The following NDUFA9 variants were observed in gnomAD, a reference collection of about 807,000 sequenced individuals.
The protein encoded by NDUFA9 is NADH dehydrogenase [ubiquinone] 1 alpha subcomplex subunit 9, mitochondrial.
In NDUFA9, 23 loss-of-function variants were observed where a neutral mutation model predicts 45.9. The observed-to-expected ratio is 0.50, with a 90% CI of 0.36 to 0.71. NDUFA9 has a LOEUF of 0.71. NDUFA9 is among the 30% of genes least tolerant of loss of function. The pLI is 0.00. For synonymous variants in NDUFA9, 176 were observed against 170.5 expected (o/e 1.03, Z -0.25); for missense variants, 466 against 488.2 (o/e 0.95, Z 0.43).
At position 4,652,103 on chromosome 12, in the gene NDUFA9, C is replaced by T. The variant is rs138358280; in HGVS notation, c.50-2189C>T. The stretch of plus-strand genomic sequence containing the variant: ...GGAATCAGATGAGAACAGTCATTTT[C>T]CCACCATAAACTCTAATAGTTGATA... On this transcript the variant is annotated intron_variant, in intron 1 of 10. Transcript: ENST00000266544. 8.3e-4 allele frequency among the ~76,000 whole-genome samples: 126 copies of T among 152,288 alleles called. 1 individual carries two copies. Among genetic ancestry groups the T allele is most frequent in the African/African-American group, 3.0e-3 (125 of 41,552 alleles).
At chr12:4,670,246 AGATT>A (rs747290361) in intron 8 of NDUFA9, among the ~76,000 whole-genome samples, 1 of 152,198 alleles carries the variant, frequency 6.6e-6, no homozygotes, top group Non-Finnish European at 1.5e-5. Context: ...GTGCTGTGCG[AGATT>A]GATTATTTCT....
intron 8 of NDUFA9, among the ~76,000 whole-genome samples, chr12:4,677,516 T>C (rs1945927226): frequency 6.6e-6 from 1 of 152,220 alleles, no homozygotes; most frequent in Non-Finnish European, 1.5e-5. Flanking sequence ...AAAGAAGACA[T>C]TTATGCAGCT....
At chr12:4,654,727 C>T (rs1945779460) in intron 2 of NDUFA9, 98 bp from the exon 3 acceptor site, 3 of 1,054,166 alleles carry the variant, frequency 2.8e-6, no homozygotes, top group Non-Finnish European at 2.7e-6. Flanking sequence ...TATCAATTCA[C>T]ATACCATACT....
intron 8 of NDUFA9, 57 bp downstream of exon 8, chr12:4,669,874 C>A: frequency 8.3e-7 from 1 of 1,200,462 alleles, no homozygotes; most frequent in Non-Finnish European, 1.2e-6. Context: ...GAATCAATAT[C>A]TAAATTAGTT....
chr12:4,686,501 G>A (rs968120799), intron 10 of NDUFA9, among the ~76,000 whole-genome samples: 5 of 151,020 alleles, frequency 3.3e-5, no homozygotes, highest in African/African-American at 9.7e-5. Context: ...GAGTCAGAAC[G>A]CCCGTGCTCA....
intron 8 of NDUFA9, among the ~76,000 whole-genome samples, chr12:4,681,162 A>G (rs1591550147): frequency 6.6e-6 from 1 of 152,162 alleles, no homozygotes; most frequent in Non-Finnish European, 1.5e-5. Context: ...TCTTTTTTAT[A>G]AGGTTTAGAC....
chr12:4,685,675 C>T (rs922682584), intron 10 of NDUFA9, among the ~76,000 whole-genome samples: 34 of 97,852 alleles, frequency 3.5e-4, no homozygotes, highest in Middle Eastern at 5.9e-3. Context: ...TTCCTCCTAA[C>T]GTCCTGAAGA....
rs969844276 is a variant in NDUFA9, at chr12:4,649,248, C to T, written c.49+73C>T. The T allele has an allele frequency of 5.9e-6, 9 of 1,515,146 alleles. No individual in the cohort carries two copies. In the African/African-American group the frequency reaches 9.7e-5, roughly 16 times the overall value. The allele number at this position is 1,515,146 out of a possible 1,614,324, so 93.9% of individuals were successfully genotyped here. A position where few individuals can be genotyped will look rare whatever the true frequency, so the allele number is the denominator to read the frequency against. ...GGATTTAAGGTTTTGGAAGTGGCAC[C>T]GTGCTGCAGCGGTCACGCCAACTTC... On this transcript the variant is annotated intron_variant, in intron 1 of 10. Transcript: ENST00000266544.
chr12:4,664,542 C>T (rs1326548782), intron 6 of NDUFA9, among the ~76,000 whole-genome samples: 1 of 152,212 alleles, frequency 6.6e-6, no homozygotes. Context: ...CACCACATGG[C>T]CTTTGTCAGA....
In NDUFA9 at chr12:4,685,316, A is replaced by G. The variant is rs1372159557; in HGVS notation, c.954A>G (p.Lys318=). Residue 318 remains lysine (K), a synonymous_variant, in exon 10 of 11, where the codon AAA becomes AAG. Transcript: ENST00000266544. ...SPFEPWITRD[K]VERMHITDMK... is the part of the protein sequence containing the mutation. ...TTGAGCCCTGGATAACAAGGGATAA[A>G]GTGGAGCGGGTGAGTACATGTGTGG... 1 of 1,613,770 alleles carries G rather than the reference A, an allele frequency of 6.2e-7. No individual in the cohort carries two copies. Among genetic ancestry groups the G allele is most frequent in the Middle Eastern group, 1.6e-4 (1 of 6,082 alleles).
At chr12:4,681,136 T>C (rs1945949849) in intron 8 of NDUFA9, among the ~76,000 whole-genome samples, 1 of 152,092 alleles carries the variant, frequency 6.6e-6, no homozygotes, top group Non-Finnish European at 1.5e-5. Context: ...GAAGGAACTT[T>C]ATAGTAAAAA....
At chr12:4,674,234 T>C (rs1191009736) in intron 8 of NDUFA9, among the ~76,000 whole-genome samples, 1 of 152,182 alleles carries the variant, frequency 6.6e-6, no homozygotes, top group African/African-American at 2.4e-5. Context: ...CTTAAGACCA[T>C]TGACGCTATG....
chr12:4,665,146 G>A (rs1397073038), intron 6 of NDUFA9, among the ~76,000 whole-genome samples: 12 of 152,156 alleles, frequency 7.9e-5, no homozygotes, highest in Admixed American at 1.3e-4. Flanking sequence ...TAAGAGTACA[G>A]TTCAGTAGTA....
intron 5 of NDUFA9, among the ~76,000 whole-genome samples, chr12:4,661,508 G>A (rs775540648): frequency 4.6e-5 from 7 of 151,956 alleles, no homozygotes; most frequent in Non-Finnish European, 7.4e-5. Flanking sequence ...CAGTGGGAGT[G>A]CATGGCCCAA....
intron 5 of NDUFA9, 71 bp downstream of exon 5, chr12:4,659,248 C>T (rs762175194): frequency 6.6e-6 from 9 of 1,365,604 alleles, no homozygotes; most frequent in Non-Finnish European, 9.2e-6. Flanking sequence ...AACATGATTT[C>T]AGTGAGAAGG....
intron 8 of NDUFA9, among the ~76,000 whole-genome samples, chr12:4,674,707 A>T (rs528881191): frequency 1.6e-4 from 24 of 152,330 alleles, no homozygotes; most frequent in Non-Finnish European, 2.6e-4. Context: ...TTAGACTCCC[A>T]CACAATAATA....
intron 5 of NDUFA9, among the ~76,000 whole-genome samples, chr12:4,659,459 CA>C (rs1945811418): frequency 6.6e-6 from 1 of 152,154 alleles, no homozygotes; most frequent in Admixed American, 6.5e-5. Flanking sequence ...TTGAATTATA[CA>C]GAAACCATCA....
At chr12:4,662,730 G>C in intron 6 of NDUFA9, 95 bp downstream of exon 6, 1 of 958,556 alleles carries the variant, frequency 1.0e-6, no homozygotes, top group Non-Finnish European at 1.6e-6. Context: ...ACAGACTAAG[G>C]ATATATTTTT....
At chr12:4,671,008 C>T (rs371041716) in intron 8 of NDUFA9, among the ~76,000 whole-genome samples, 329 of 152,226 alleles carry the variant, frequency 2.2e-3, no homozygotes, top group South Asian at 0.01. Flanking sequence ...TTTGGCGTAA[C>T]GATGGGAAAA....
Sources: gnomAD v4.1 joint callset for allele counts (sites outside exome capture counted in the v4.1 genomes callset) on GRCh38, gnomAD v4.1.1 for gene constraint, MANE v1.5 for transcripts, NCBI Gene and HGNC (gene_info 2026-07-23, HGNC 2026-07-21) for gene names.